FAM107B: variants seen among roughly 807,000 people sequenced by gnomAD.
FAM107B encodes the protein family with sequence similarity 107 member B.
A neutral mutation model predicts 31.5 loss-of-function variants in FAM107B; 21 were observed. The observed-to-expected ratio is 0.67, with a 90% CI of 0.47 to 0.96. The LOEUF (loss-of-function observed/expected upper bound fraction) is 0.96. FAM107B is among the 40% of genes least tolerant of loss of function. The pLI, the probability that FAM107B is intolerant of heterozygous loss-of-function variation, is 0.00. For synonymous variants in FAM107B, 157 were observed against 141.5 expected (o/e 1.11, Z -0.78); for missense variants, 452 against 377.1 (o/e 1.20, Z -1.64).
chr10:14,522,127 T>G (rs910074462), intron 3 of FAM107B, 108 bp from the exon 4 acceptor site: 4 of 1,394,452 alleles, frequency 2.9e-6, no homozygotes, highest in Admixed American at 2.5e-5. Context: ...GTCTACAAAA[T>G]TAGTATGATA....
At chr10:14,731,258 G>A (rs535244981) in intron 1 of FAM107B, among the ~76,000 whole-genome samples, 4 of 152,184 alleles carry the variant, frequency 2.6e-5, no homozygotes, top group African/African-American at 9.6e-5. Flanking sequence ...GTGAGGGCGC[G>A]GGATTAAATC....
chr10:14,734,488 G>GTGTTTTTGTTTTTGTTTTTTTTT (rs558940939), intron 1 of FAM107B, among the ~76,000 whole-genome samples: 3 of 138,546 alleles, frequency 2.2e-5, no homozygotes, highest in African/African-American at 8.1e-5. Context: ...TTTTTGTGAG[G>GTGTTTTTGTTTTTGTTTTTTTTT]TTTTTTTTTT....
chr10:14,564,364 A>C (rs2131199919), intron 2 of FAM107B, among the ~76,000 whole-genome samples: 1 of 152,274 alleles, frequency 6.6e-6, no homozygotes, highest in Admixed American at 6.5e-5. Context: ...CTGAATAATT[A>C]GGCCCCCAAA....
chr10:14,548,307 G>T, intron 2 of FAM107B: 1 of 484,784 alleles, frequency 2.1e-6, no homozygotes, highest in Non-Finnish European at 2.7e-6. Flanking sequence ...ACACCCTGGG[G>T]GTCCAGGGGG....
At chr10:14,652,603 T>C (rs1319888552) in intron 2 of FAM107B, 1 of 152,180 alleles carries the variant, frequency 6.6e-6, no homozygotes, top group Non-Finnish European at 1.5e-5. Context: ...AAAAAATCCA[T>C]GTAAAGCACT....
At chr10:14,617,569 A>G (rs1039912654) in intron 2 of FAM107B, among the ~76,000 whole-genome samples, 1 of 152,208 alleles carries the variant, frequency 6.6e-6, no homozygotes, top group Non-Finnish European at 1.5e-5. Flanking sequence ...AGAAGTGATG[A>G]AACACGTAAG....
At chr10:14,643,841 C>T (rs1480220866) in intron 2 of FAM107B, among the ~76,000 whole-genome samples, 2 of 152,224 alleles carry the variant, frequency 1.3e-5, no homozygotes, top group African/African-American at 4.8e-5. Flanking sequence ...TCACATAAAA[C>T]TAATCATCGC....
intron 1 of FAM107B, among the ~76,000 whole-genome samples, chr10:14,716,121 G>T (rs535935482): frequency 6.6e-6 from 1 of 152,178 alleles, no homozygotes; most frequent in Non-Finnish European, 1.5e-5. Flanking sequence ...TTCCATAGAA[G>T]AAGAGAATCT....
At chr10:14,701,419 ATTTT>A (rs1340446743) in intron 1 of FAM107B, among the ~76,000 whole-genome samples, 5 of 151,612 alleles carry the variant, frequency 3.3e-5, no homozygotes, top group African/African-American at 1.2e-4. Context: ...TAATTTTTGT[ATTTT>A]TAGTAGAGAT....
intron 1 of FAM107B, among the ~76,000 whole-genome samples, chr10:14,692,775 T>C (rs1402738688): frequency 7.2e-5 from 11 of 152,196 alleles, no homozygotes. Flanking sequence ...CCAAGTGTGG[T>C]TTCAGAATGA....
chr10:14,621,979 A>G (rs1853022818), intron 2 of FAM107B, among the ~76,000 whole-genome samples: 1 of 152,230 alleles, frequency 6.6e-6, no homozygotes, highest in Non-Finnish European at 1.5e-5. Flanking sequence ...TTCTCTTCCA[A>G]CTAATCAGAT....
chr10:14,548,142 G>C (rs1246676461), intron 2 of FAM107B, among the ~76,000 whole-genome samples: 1 of 152,224 alleles, frequency 6.6e-6, no homozygotes, highest in East Asian at 1.9e-4. Context: ...GAGTTAACCT[G>C]GTTGGCTGAA....
intron 2 of FAM107B, among the ~76,000 whole-genome samples, chr10:14,658,447 G>T (rs1037566596): frequency 6.6e-6 from 1 of 152,208 alleles, no homozygotes; most frequent in African/African-American, 2.4e-5. Flanking sequence ...CCGTGGATTA[G>T]CATGGTTTGC....
intron 2 of FAM107B, among the ~76,000 whole-genome samples, chr10:14,597,179 T>C (rs1016079756): frequency 5.3e-5 from 8 of 152,222 alleles, no homozygotes. Context: ...CATACGCATA[T>C]GCACAAATGG....
intron 1 of FAM107B, among the ~76,000 whole-genome samples, chr10:14,701,881 A>G (rs539145349): frequency 1.3e-5 from 2 of 152,356 alleles, no homozygotes; most frequent in Admixed American, 1.3e-4. Context: ...ATTCAGGAAT[A>G]GTTCAGTACA....
At chr10:14,728,006 T>C (rs1267817464) in intron 1 of FAM107B, among the ~76,000 whole-genome samples, 1 of 152,118 alleles carries the variant, frequency 6.6e-6, no homozygotes, top group Non-Finnish European at 1.5e-5. Context: ...TTCTCTCCTC[T>C]CCCTCTCTCC....
At chr10:14,698,522 C>T (rs1047520212) in intron 1 of FAM107B, among the ~76,000 whole-genome samples, 19 of 152,196 alleles carry the variant, frequency 1.2e-4, no homozygotes, top group Non-Finnish European at 2.4e-4. Context: ...ATTTGATGAT[C>T]ACATTTCATG....
At chr10:14,680,600 G>A (rs1013549161) in intron 1 of FAM107B, among the ~76,000 whole-genome samples, 9 of 150,976 alleles carry the variant, frequency 6.0e-5, no homozygotes, top group African/African-American at 2.2e-4. Flanking sequence ...TGCACAGAGG[G>A]AACCTGAGGA....
At chr10:14,621,865 TA>T (rs918768981) in intron 2 of FAM107B, among the ~76,000 whole-genome samples, 5 of 151,294 alleles carry the variant, frequency 3.3e-5, no homozygotes, top group African/African-American at 7.3e-5. Context: ...TTCTTCAGAG[TA>T]AAAAAAAATG....
Sources: allele counts gnomAD v4.1 joint callset (sites outside exome capture counted in the v4.1 genomes callset), GRCh38; gene constraint gnomAD v4.1.1; transcripts MANE v1.5; gene names NCBI Gene and HGNC (gene_info 2026-07-23, HGNC 2026-07-21).